The following FUBP1 variants were observed in gnomAD, a reference collection of about 807,000 sequenced individuals.
FUBP1 encodes far upstream element binding protein 1.
Under a neutral mutation model 94.9 loss-of-function variants are expected in FUBP1, and 16 were observed. The ratio of observed to expected loss-of-function variants is 0.17; its 90% CI spans 0.11 to 0.26. The LOEUF (loss-of-function observed/expected upper bound fraction) is 0.26. Among genes scored for constraint, FUBP1 ranks in the 10% least tolerant of loss-of-function variants. FUBP1 has a pLI of 1.00. For missense variants in FUBP1, 583 were observed against 808.6 expected (o/e 0.72, Z 3.38); for synonymous variants, 279 against 254.9 (o/e 1.09, Z -0.90).
intron 1 of FUBP1, among the ~76,000 whole-genome samples, chr1:77,977,367 A>C (rs183738996): frequency 6.8e-4 from 103 of 152,152 alleles, no homozygotes; most frequent in African/African-American, 2.2e-3. Flanking sequence ...AACAAAAAAA[A>C]CACAAAAAAT....
chr1:77,954,716 T>C (rs1031628995), intron 18 of FUBP1, among the ~76,000 whole-genome samples: 1 of 152,158 alleles, frequency 6.6e-6, no homozygotes, highest in African/African-American at 2.4e-5. Context: ...TGTAATAATT[T>C]TAAATGACTA....
intron 3 of FUBP1, among the ~76,000 whole-genome samples, 200 bp downstream of exon 3, chr1:77,967,965 T>C (rs1416329706): frequency 3.3e-5 from 5 of 152,060 alleles, no homozygotes; most frequent in Admixed American, 1.3e-4. Context: ...CAGCAACCAA[T>C]CTTTACATAT....
At chr1:77,961,093 C>T (rs1317969029) in intron 14 of FUBP1, among the ~76,000 whole-genome samples, 1 of 152,118 alleles carries the variant, frequency 6.6e-6, no homozygotes, top group East Asian at 1.9e-4. Flanking sequence ...TTTAATAGCA[C>T]AAAAATTCCC....
intron 18 of FUBP1, among the ~76,000 whole-genome samples, chr1:77,952,355 C>A (rs1325871441): frequency 3.3e-5 from 5 of 151,086 alleles, no homozygotes; most frequent in Non-Finnish European, 5.9e-5. Flanking sequence ...TTAACCCACA[C>A]CTGTTTTCAA....
chr1:77,959,930 C>T lies in FUBP1; in HGVS notation c.1576+254G>A, dbSNP rs192671177. Among the ~76,000 whole-genome samples, 4 of 152,320 alleles carry T rather than the reference C, an allele frequency of 2.6e-5. No individual in the cohort carries two copies. The East Asian group carries it at 7.7e-4, about 29-fold the overall frequency. On this transcript the variant is annotated intron_variant, in intron 16 of 19. Coordinates refer to ENST00000370768, the MANE Select transcript of FUBP1 (RefSeq NM_003902.5). ...AAAACCTATGACACTGTGCTCTTTC[C>T]TGCAGCTTTTAGCTTTTATCATTCT...
At chr1:77,951,276 A>G (rs1457719789) in intron 18 of FUBP1, among the ~76,000 whole-genome samples, 1 of 152,222 alleles carries the variant, frequency 6.6e-6, no homozygotes, top group East Asian at 1.9e-4. Context: ...TTCCCTTAAA[A>G]AACTACAACC....
In FUBP1 at chr1:77,944,472, C is replaced by T. The variant is rs1651745850; in HGVS notation, c.*4294G>A. On this transcript the variant is annotated 3_prime_UTR_variant, in exon 20 of 20. Coordinates refer to ENST00000370768, the MANE Select transcript of FUBP1 (RefSeq NM_003902.5). ...TATTGTGGCAAGAAAAATGAAGTCA[C>T]TAACTCAACAAAAAATAAGGTAACT... 6.6e-6 allele frequency among the ~76,000 whole-genome samples: 1 copy of T among 151,758 alleles called. No individual in the cohort carries two copies. Among genetic ancestry groups the T allele is most frequent in the African/African-American group, 2.4e-5 (1 of 41,354 alleles).
chr1:77,959,800 C>T (rs1655122952), intron 16 of FUBP1, among the ~76,000 whole-genome samples: 2 of 152,276 alleles, frequency 1.3e-5, no homozygotes, highest in East Asian at 1.9e-4. Flanking sequence ...AGACGTGAGC[C>T]TCAGTGCCCA....
chr1:77,949,138 T>C lies in FUBP1; in HGVS notation c.1926+17A>G, dbSNP rs1239844841. ...CAGACTGGAGTAGAAATCAACAAAT[T>C]AGCAATTACATTATACCTGAGGTGC... On this transcript the variant is annotated intron_variant, in intron 19 of 19. Coordinates refer to ENST00000370768, the MANE Select transcript of FUBP1 (RefSeq NM_003902.5). 2.5e-6 allele frequency: 4 copies of C among 1,604,332 alleles called. No homozygotes were observed. The highest frequency in any genetic ancestry group is 2.2e-5 in the South Asian group (2 of 90,734).
At chr1:77,950,659 A>G (rs1215238116) in intron 18 of FUBP1, among the ~76,000 whole-genome samples, 2 of 152,200 alleles carry the variant, frequency 1.3e-5, no homozygotes, top group Non-Finnish European at 2.9e-5. Flanking sequence ...ATGTTCTCCT[A>G]TTCAGTTTCT....
intron 13 of FUBP1, 77 bp downstream of exon 13, chr1:77,963,497 C>A: frequency 1.3e-6 from 1 of 772,098 alleles, no homozygotes; most frequent in Non-Finnish European, 2.1e-6. Flanking sequence ...AGCATTGCCA[C>A]TTGTTTACGA....
In FUBP1 at chr1:77,978,678, G is replaced by A. The variant is rs148012302; in HGVS notation, c.120+207C>T. 3.5e-3 allele frequency among the ~76,000 whole-genome samples: 533 copies of A among 152,286 alleles called. 3 individuals carry two copies. The highest frequency in any genetic ancestry group is 4.0e-3 in the Admixed American group (61 of 15,294). ...GGCCTTCTTTGCGTAGCACGCGTCG[G>A]GGTTCTAAGTGGATTAGGCACCAAG... On this transcript the variant is annotated intron_variant, in intron 1 of 19. Coordinates refer to ENST00000370768, the MANE Select transcript of FUBP1 (RefSeq NM_003902.5).
chr1:77,957,290 C>T (rs1032818071), intron 16 of FUBP1, among the ~76,000 whole-genome samples: 5 of 152,182 alleles, frequency 3.3e-5, no homozygotes, highest in African/African-American at 1.2e-4. Context: ...TTAAGTACAG[C>T]CTATCATTCA....
intron 1 of FUBP1, among the ~76,000 whole-genome samples, chr1:77,975,188 C>A (rs1267784729): frequency 6.6e-6 from 1 of 152,164 alleles, no homozygotes; most frequent in Non-Finnish European, 1.5e-5. Context: ...TACTGTAATT[C>A]ATTAAAAATG....
At position 77,947,713 on chromosome 1, in the gene FUBP1, A is replaced by T; in HGVS notation, c.*1053T>A. 1 of 561,116 alleles carries T rather than the reference A, an allele frequency of 1.8e-6. No individual in the cohort carries two copies. The highest frequency in any genetic ancestry group is 1.9e-5 in the South Asian group (1 of 53,456). 34.8% of individuals were successfully genotyped at this position (561,116 alleles called of 1,614,324 possible). On this transcript the variant is annotated 3_prime_UTR_variant, in exon 20 of 20. Coordinates refer to ENST00000370768, the MANE Select transcript of FUBP1 (RefSeq NM_003902.5). Reference sequence around the variant, plus strand: ...AGTAATAAAATGACTTCAAGTACATAAAAAAATTAAGTTGATTCAATGATT... The same window carrying T: ...AGTAATAAAATGACTTCAAGTACATTAAAAAATTAAGTTGATTCAATGATT...
chr1:77,957,904 G>GTC (rs912022070), intron 16 of FUBP1, among the ~76,000 whole-genome samples: 1 of 149,908 alleles, frequency 6.7e-6, no homozygotes, highest in Non-Finnish European at 1.5e-5. Context: ...GAGTTCTCCT[G>GTC]TCTCAGCCTC....
intron 16 of FUBP1, among the ~76,000 whole-genome samples, chr1:77,958,915 T>C (rs1424021658): frequency 6.6e-6 from 1 of 152,182 alleles, no homozygotes; most frequent in East Asian, 1.9e-4. Context: ...GTTAAGAGTA[T>C]TATATCCTGT....
rs771018211 is a variant in FUBP1 at position 77,979,013 on chromosome 1, T to C, written c.-9A>G. The stretch of plus-strand genomic sequence containing the variant: ...GTTGAATAGTCTGCCATGGTTGCAC[T>C]ATAAGAGCCGCTGCCGCCTGTTCAG... On this transcript the variant is annotated 5_prime_UTR_variant, in exon 1 of 20. In the 5' UTR this introduces an upstream ATG that the reference lacks. Coordinates refer to ENST00000370768, the MANE Select transcript of FUBP1 (RefSeq NM_003902.5). The C allele has an allele frequency of 1.2e-6, 2 of 1,603,708 alleles. No individual in the cohort carries two copies. Among genetic ancestry groups the C allele is most frequent in the South Asian group, 1.1e-5 (1 of 90,800 alleles).
intron 7 of FUBP1, 81 bp downstream of exon 7, chr1:77,966,607 AATAAAG>A (rs1571320253): frequency 1.3e-6 from 1 of 762,772 alleles, no homozygotes; most frequent in East Asian, 2.4e-5. Flanking sequence ...CACAGTGTAA[AATAAAG>A]CAGTAACAAA....
Sources: allele counts gnomAD v4.1 joint callset (sites outside exome capture counted in the v4.1 genomes callset), GRCh38; gene constraint gnomAD v4.1.1; transcripts MANE v1.5; gene names NCBI Gene and HGNC (gene_info 2026-07-23, HGNC 2026-07-21).